The following PARD3 variants were observed in gnomAD, a reference collection of about 807,000 sequenced individuals.
PARD3 encodes the protein par-3 family cell polarity regulator, also known as partitioning defective 3 homolog.
A neutral mutation model predicts 155.4 loss-of-function variants in PARD3; 75 were observed. The ratio of observed to expected loss-of-function variants is 0.48; its 90% confidence interval spans 0.40 to 0.58. The LOEUF is 0.58. Ranked by LOEUF, PARD3 falls within the 20% of genes least tolerant of loss-of-function variation. PARD3 has a pLI of 0.00. For missense variants in PARD3, 1,642 were observed against 1,721.7 expected, an observed-to-expected ratio of 0.95 and a Z score of 0.82; for synonymous variants, 576 against 610.5, an observed-to-expected ratio of 0.94 and a Z score of 0.83.
intron 1 of PARD3, among the ~76,000 whole-genome samples, chr10:34,764,361 A>C (rs926284605): frequency 3.3e-5 from 5 of 152,250 alleles, no homozygotes; most frequent in South Asian, 2.1e-4. Flanking sequence ...CAATGAATGC[A>C]ATCTCCTTGA....
chr10:34,542,234 T>TGTGTGTGCACGCAC (rs143582528), intron 2 of PARD3, among the ~76,000 whole-genome samples: 6 of 146,198 alleles, frequency 4.1e-5, no homozygotes, highest in Admixed American at 2.0e-4. Context: ...TGTGTGTGTG[T>TGTGTGTGCACGCAC]GTGTGCACAC....
chr10:34,610,669 A>G (rs920377720), intron 2 of PARD3, among the ~76,000 whole-genome samples: 1 of 152,204 alleles, frequency 6.6e-6, no homozygotes, highest in African/African-American at 2.4e-5. Context: ...TGAAATATAT[A>G]TATAATGTGG....
At chr10:34,376,870 T>C (rs1841305004) in intron 10 of PARD3, among the ~76,000 whole-genome samples, 1 of 152,182 alleles carries the variant, frequency 6.6e-6, no homozygotes, top group South Asian at 2.1e-4. Context: ...AAATGCAGTA[T>C]CTGCTAATAA....
At chr10:34,532,102 T>C (rs1021247083) in intron 2 of PARD3, among the ~76,000 whole-genome samples, 8 of 152,198 alleles carry the variant, frequency 5.3e-5, no homozygotes, top group Non-Finnish European at 1.2e-4. Flanking sequence ...TTCTCTCAAC[T>C]GTGAATGGCA....
At chr10:34,566,937 A>C (rs2085996639) in intron 2 of PARD3, among the ~76,000 whole-genome samples, 1 of 152,222 alleles carries the variant, frequency 6.6e-6, no homozygotes, top group Non-Finnish European at 1.5e-5. Flanking sequence ...GAATATTTCT[A>C]AAATGGTTCA....
At chr10:34,159,292 G>T (rs546522889) in intron 22 of PARD3, among the ~76,000 whole-genome samples, 1 of 152,308 alleles carries the variant, frequency 6.6e-6, no homozygotes, top group Admixed American at 6.5e-5. Context: ...CTACTCATGG[G>T]CTGTTGAGTA....
At chr10:34,560,357 C>T (rs913726907) in intron 2 of PARD3, among the ~76,000 whole-genome samples, 5 of 152,058 alleles carry the variant, frequency 3.3e-5, no homozygotes, top group Admixed American at 2.6e-4. Flanking sequence ...AAAAAGTTAA[C>T]GATACCATAG....
At chr10:34,793,454 C>T (rs1351339499) in intron 1 of PARD3, among the ~76,000 whole-genome samples, 3 of 152,182 alleles carry the variant, frequency 2.0e-5, no homozygotes, top group South Asian at 4.2e-4. Context: ...ATGGAGTTCT[C>T]TGTACTAGTC....
Position 34,111,144 on chromosome 10 carries a change from C to A in PARD3, c.*25G>T. 1 of 1,520,292 alleles carries A rather than the reference C, an allele frequency of 6.6e-7. No individual in the cohort carries two copies. Among genetic ancestry groups the A allele is most frequent in the East Asian group, 2.3e-5 (1 of 43,788 alleles). 94.2% of individuals were successfully genotyped at this position (1,520,292 alleles called of 1,614,324 possible). On this transcript the variant is annotated 3_prime_UTR_variant, in exon 25 of 25. Transcript: ENST00000374788. ...TAGGAAAATGTCTTTTATTGCGCGACATGAAGCATCCGTTATTTGCGTGCT... is the reference window on the plus strand; with the variant it reads ...TAGGAAAATGTCTTTTATTGCGCGAAATGAAGCATCCGTTATTTGCGTGCT...
At chr10:34,588,739 C>A (rs1281039638) in intron 2 of PARD3, among the ~76,000 whole-genome samples, 1 of 152,180 alleles carries the variant, frequency 6.6e-6, no homozygotes, top group Non-Finnish European at 1.5e-5. Flanking sequence ...AAACACTGAA[C>A]CTGCAAATTG....
intron 2 of PARD3, among the ~76,000 whole-genome samples, chr10:34,665,372 T>C (rs965106434): frequency 2.7e-5 from 4 of 147,880 alleles, no homozygotes; most frequent in African/African-American, 1.0e-4. Flanking sequence ...CAAAAAAAAA[T>C]AGCCAGGCGT....
chr10:34,349,983 G>C (rs1323818131), intron 14 of PARD3, among the ~76,000 whole-genome samples: 3 of 152,094 alleles, frequency 2.0e-5, no homozygotes, highest in Non-Finnish European at 4.4e-5. Flanking sequence ...AAAAAACCAA[G>C]CACTTGAACA....
At chr10:34,764,566 T>C (rs1428900939) in intron 1 of PARD3, among the ~76,000 whole-genome samples, 1 of 152,130 alleles carries the variant, frequency 6.6e-6, no homozygotes, top group Non-Finnish European at 1.5e-5. Flanking sequence ...CATGTGTCTG[T>C]GCCGGCAGCT....
At chr10:34,780,358 C>G (rs1840100525) in intron 1 of PARD3, among the ~76,000 whole-genome samples, 1 of 152,116 alleles carries the variant, frequency 6.6e-6, no homozygotes. Context: ...TCTCAAAACA[C>G]GTTTGTAATG....
chr10:34,775,708 A>C (rs540854716), intron 1 of PARD3, among the ~76,000 whole-genome samples: 1 of 152,320 alleles, frequency 6.6e-6, no homozygotes, highest in East Asian at 1.9e-4. Context: ...AGAGTTTGTC[A>C]CTTACTGCCT....
chr10:34,122,203 A>C (rs1013805992), intron 23 of PARD3, among the ~76,000 whole-genome samples: 2 of 152,220 alleles, frequency 1.3e-5, no homozygotes, highest in African/African-American at 2.4e-5. Flanking sequence ...AGGATTTAGT[A>C]ACCAGCTTTT....
intron 22 of PARD3, among the ~76,000 whole-genome samples, chr10:34,153,408 T>C (rs673009): frequency 0.026 from 3,949 of 152,316 alleles, 92 homozygotes; most frequent in Non-Finnish European, 0.037. Flanking sequence ...CACACACGTA[T>C]AATAAACTTT....
At chr10:34,170,153 T>C (rs1285824740) in intron 22 of PARD3, among the ~76,000 whole-genome samples, 1 of 152,182 alleles carries the variant, frequency 6.6e-6, no homozygotes, top group Non-Finnish European at 1.5e-5. Flanking sequence ...AGTGGTGCAA[T>C]CATAGCCTAC....
intron 1 of PARD3, among the ~76,000 whole-genome samples, chr10:34,700,065 T>C (rs942819433): frequency 6.6e-6 from 1 of 152,126 alleles, no homozygotes; most frequent in Non-Finnish European, 1.5e-5. Context: ...CTAACAATAA[T>C]TGTGTATTAT....
Sources: allele counts gnomAD v4.1 joint callset (sites outside exome capture counted in the v4.1 genomes callset), GRCh38; gene constraint gnomAD v4.1.1; transcripts MANE v1.5; gene names NCBI Gene and HGNC (gene_info 2026-07-23, HGNC 2026-07-21).